The following PSTPIP2 variants were observed in gnomAD, a reference collection of about 807,000 sequenced individuals.
The protein encoded by PSTPIP2 is proline-serine-threonine phosphatase-interacting protein 2.
In PSTPIP2, 33 loss-of-function variants were observed where a neutral mutation model predicts 63.3. The ratio of observed to expected loss-of-function variants is 0.52; its 90% CI spans 0.40 to 0.70. PSTPIP2 has a LOEUF of 0.70. PSTPIP2 is among the 30% of genes least tolerant of loss of function. The pLI is 0.00. For missense variants in PSTPIP2, 312 were observed against 400.7 expected, an observed-to-expected ratio of 0.78 and a Z score of 1.89; for synonymous variants, 125 against 132.7, an observed-to-expected ratio of 0.94 and a Z score of 0.40.
At chr18:46,004,711 T>C (rs2051706140) in intron 6 of PSTPIP2, among the ~76,000 whole-genome samples, 3 of 152,194 alleles carry the variant, frequency 2.0e-5, no homozygotes, top group Admixed American at 2.0e-4. Flanking sequence ...AGTGTCACTT[T>C]CAATCTTTCC....
At chr18:46,006,360 CTTTTT>C (rs756384731) in intron 5 of PSTPIP2, among the ~76,000 whole-genome samples, 2 of 115,628 alleles carry the variant, frequency 1.7e-5, no homozygotes, top group African/African-American at 3.7e-5. Context: ...AGCCCTGGTA[CTTTTT>C]TTTTTTTTTT....
chr18:46,064,546 C>G (rs565849062), intron 1 of PSTPIP2, among the ~76,000 whole-genome samples: 1 of 150,502 alleles, frequency 6.6e-6, no homozygotes, highest in East Asian at 2.0e-4. Flanking sequence ...GTGATTCACC[C>G]GCCTGGGCCT....
At chr18:46,012,600 C>T (rs567504) in intron 4 of PSTPIP2, among the ~76,000 whole-genome samples, 21,455 of 152,066 alleles carry the variant, frequency 0.14, 1,888 homozygotes, top group East Asian at 0.37. Context: ...GGTGAAACCC[C>T]GTCTCTACTA....
rs199980513 is a variant in PSTPIP2 at position 46,039,970 on chromosome 18, C to T, written c.111G>A (p.Glu37=). The change falls in exon 2 of 15, where the codon GAG becomes GAA. Residue 37 remains glutamate (E), a synonymous_variant. Coordinates refer to ENST00000409746, the MANE Select transcript of PSTPIP2 (RefSeq NM_024430.4). The part of the protein sequence containing the change: ...HLNNGRKNCK[E]FEDFLKERAA... ...ACCTTTCTTTTAGAAAGTCTTCAAA[C>T]TCTTTGCAGTTCTTGCGGCCATTGT... is the stretch of plus-strand genomic sequence containing the variant. 1.9e-6 allele frequency: 3 copies of T among 1,613,528 alleles called. No individual in the cohort carries two copies. Among genetic ancestry groups the T allele is most frequent in the Non-Finnish European group, 2.5e-6 (3 of 1,179,490 alleles).
At chr18:46,015,843 C>A in intron 4 of PSTPIP2, 60 bp downstream of exon 4, 1 of 1,540,230 alleles carries the variant, frequency 6.5e-7, no homozygotes, top group Non-Finnish European at 8.9e-7. Context: ...ACACCTTTGA[C>A]GACAGACACA....
intron 2 of PSTPIP2, among the ~76,000 whole-genome samples, chr18:46,038,562 T>C (rs1568225531): frequency 6.6e-6 from 1 of 152,204 alleles, no homozygotes; most frequent in Non-Finnish European, 1.5e-5. Context: ...CTCTTTGTCC[T>C]AGCACTGTTG....
chr18:46,051,540 G>A (rs1277650347), intron 1 of PSTPIP2, among the ~76,000 whole-genome samples: 1 of 152,100 alleles, frequency 6.6e-6, no homozygotes, highest in Non-Finnish European at 1.5e-5. Context: ...GTATGTTAAG[G>A]TCATGGCTTT....
intron 1 of PSTPIP2, among the ~76,000 whole-genome samples, chr18:46,046,527 G>A (rs1908391341): frequency 6.6e-6 from 1 of 152,236 alleles, no homozygotes; most frequent in African/African-American, 2.4e-5. Context: ...GGGCATGGCA[G>A]TCTCTACCCT....
intron 9 of PSTPIP2, among the ~76,000 whole-genome samples, chr18:45,994,341 A>G (rs1381905916): frequency 6.6e-6 from 1 of 152,206 alleles, no homozygotes; most frequent in Non-Finnish European, 1.5e-5. Flanking sequence ...TACCATAGCT[A>G]TTTTTAACAT....
intron 1 of PSTPIP2, among the ~76,000 whole-genome samples, chr18:46,059,221 G>C (rs1908898425): frequency 6.6e-6 from 1 of 151,490 alleles, no homozygotes; most frequent in African/African-American, 2.4e-5. Context: ...ATTTTTAATG[G>C]AGACAGTGTT....
chr18:45,992,444 C>A (rs1486353535), intron 10 of PSTPIP2, among the ~76,000 whole-genome samples: 1 of 151,894 alleles, frequency 6.6e-6, no homozygotes, highest in Non-Finnish European at 1.5e-5. Flanking sequence ...CGCCTGTAAT[C>A]CCAGCTACTT....
chr18:46,029,560 C>A, intron 2 of PSTPIP2: 1 of 791,934 alleles, frequency 1.3e-6, no homozygotes, highest in South Asian at 1.3e-5. Context: ...TATAAATAAT[C>A]AAGATTCTTG....
At chr18:46,054,121 T>A (rs1303232103) in intron 1 of PSTPIP2, among the ~76,000 whole-genome samples, 1 of 152,190 alleles carries the variant, frequency 6.6e-6, no homozygotes, top group African/African-American at 2.4e-5. Context: ...GTATTATGTA[T>A]CTAAACATAT....
At chr18:46,030,620 A>G (rs1907756872) in intron 2 of PSTPIP2, among the ~76,000 whole-genome samples, 1 of 152,210 alleles carries the variant, frequency 6.6e-6, no homozygotes, top group African/African-American at 2.4e-5. Context: ...TCTTACCACA[A>G]TTATTCATCC....
chr18:46,029,197 T>A, intron 2 of PSTPIP2: 1 of 1,056,008 alleles, frequency 9.5e-7, no homozygotes, highest in Non-Finnish European at 1.5e-6. Flanking sequence ...GGAAATTAAT[T>A]CCTGTGCATC....
rs572331497 is a variant in PSTPIP2 at position 46,036,015 on chromosome 18, TA to T, written c.134+3931del. Reference sequence around the variant, plus strand: ...TTTTCCAGCTGACAGAAGGGTAAACTAGATAAATTTACAATTTACTGATGGA... The same window carrying T: ...TTTTCCAGCTGACAGAAGGGTAAACTGATAAATTTACAATTTACTGATGGA... On this transcript the variant is annotated intron_variant, in intron 2 of 14. Coordinates refer to ENST00000409746, the MANE Select transcript of PSTPIP2 (RefSeq NM_024430.4). Among the ~76,000 whole-genome samples the T allele has an allele frequency of 4.7e-3, 711 of 152,104 alleles. 11 individuals carry two copies. The highest frequency in any genetic ancestry group is 0.029 in the Admixed American group (447 of 15,266).
chr18:46,000,626 C>T (rs569299332), intron 6 of PSTPIP2, among the ~76,000 whole-genome samples: 1 of 152,300 alleles, frequency 6.6e-6, no homozygotes, highest in South Asian at 2.1e-4. Context: ...CCTCGGCCTC[C>T]CAAAGTGCTG....
rs777677100 is a variant in PSTPIP2, at chr18:46,015,844, G to A, written c.247+59C>T. On this transcript the variant is annotated intron_variant, in intron 4 of 14. Transcript: ENST00000409746. Reference sequence around the variant, plus strand: ...GTTCAAATTAAAACACACCTTTGACGACAGACACAGGGCTTGTCAAGGGCA... The same window carrying A: ...GTTCAAATTAAAACACACCTTTGACAACAGACACAGGGCTTGTCAAGGGCA... 2.8e-4 allele frequency: 431 copies of A among 1,540,916 alleles called. 1 individual carries two copies. Among genetic ancestry groups the A allele is most frequent in the South Asian group, 2.7e-4 (23 of 86,086 alleles).
chr18:46,063,379 A>T (rs1338700757), intron 1 of PSTPIP2, among the ~76,000 whole-genome samples: 1 of 152,194 alleles, frequency 6.6e-6, no homozygotes, highest in Admixed American at 6.6e-5. Flanking sequence ...AAAACTTTAG[A>T]TCAATAAACT....
Sources: allele counts gnomAD v4.1 joint callset (sites outside exome capture counted in the v4.1 genomes callset), GRCh38; gene constraint gnomAD v4.1.1; transcripts MANE v1.5; gene names NCBI Gene and HGNC (gene_info 2026-07-23, HGNC 2026-07-21).